Variants in MPI observed in about 807,000 individuals in gnomAD.
The protein encoded by MPI is mannose phosphate isomerase.
A neutral mutation model predicts 40.1 loss-of-function variants in MPI; 33 were observed. The observed-to-expected ratio is 0.82, with a 90% CI of 0.62 to 1.10. The LOEUF (loss-of-function observed/expected upper bound fraction) is 1.10. MPI is among the 50% of genes least tolerant of loss of function. MPI has a pLI of 0.00. For missense variants in MPI, 514 were observed against 524.1 expected (o/e 0.98, Z 0.19); for synonymous variants, 187 against 207.4 (o/e 0.90, Z 0.85).
Position 74,890,107 on chromosome 15 carries a change from G to C in MPI, c.16+18G>C, listed in dbSNP as rs757532607. On this transcript the variant is annotated intron_variant, in intron 1 of 7. Coordinates refer to ENST00000352410, the MANE Select transcript of MPI (RefSeq NM_002435.3). ...TCCGCGAGGTGAGCCATTGGCTGGG[G>C]TGTCGGCGAGTGTGTTCGTGGAGCG... 1.0e-5 allele frequency: 16 copies of C among 1,607,642 alleles called. No homozygotes were observed. The highest frequency in any genetic ancestry group is 1.4e-5 in the Non-Finnish European group (16 of 1,179,948).
Position 74,898,891 on chromosome 15 carries a change from C to A in MPI, c.*1161C>A, listed in dbSNP as rs924078624. ...AGGAGGGGTCCGCAAACCAGGCTGG[C>A]AGGCCAGTTCTGGCCATACCTGTTC... On this transcript the variant is annotated 3_prime_UTR_variant, in exon 8 of 8. Coordinates refer to ENST00000352410, the MANE Select transcript of MPI (RefSeq NM_002435.3). The A allele has an allele frequency of 1.3e-5, 2 of 152,334 alleles. No homozygotes were observed. Among genetic ancestry groups the A allele is most frequent in the African/African-American group, 4.8e-5 (2 of 41,452 alleles). 9.4% of individuals were successfully genotyped at this position (152,334 alleles called of 1,614,324 possible).
Position 74,891,359 on chromosome 15 carries a change from C to T in MPI, c.145-20C>T, listed in dbSNP as rs1426627648. On this transcript the variant is annotated intron_variant, in intron 2 of 7. Transcript: ENST00000352410. Reference sequence around the variant, plus strand: ...GCAGGTTTCTTCCCCCTTCCCCTCCCAAGTTTCCTGTCTTTCCAGTTGTGG... The same window carrying T: ...GCAGGTTTCTTCCCCCTTCCCCTCCTAAGTTTCCTGTCTTTCCAGTTGTGG... The T allele has an allele frequency of 6.2e-7, 1 of 1,613,044 alleles. No individual in the cohort carries two copies. The highest frequency in any genetic ancestry group is 8.5e-7 in the Non-Finnish European group (1 of 1,179,414).
At chr15:74,891,130 GATAC>G (rs1381930770) in intron 2 of MPI, 5 of 610,014 alleles carry the variant, frequency 8.2e-6, no homozygotes, top group Non-Finnish European at 1.5e-5. Context: ...AGACAAAGAA[GATAC>G]ATCTAAAGAA....
At chr15:74,894,669 C>T (rs1262722383) in intron 5 of MPI, among the ~76,000 whole-genome samples, 1 of 149,248 alleles carries the variant, frequency 6.7e-6, no homozygotes, top group East Asian at 2.1e-4. Context: ...TGCCTGTAAT[C>T]CCAGCTACTC....
chr15:74,901,956 G>A lies in MPI; in HGVS notation c.*4226G>A, dbSNP rs182267427. On this transcript the variant is annotated 3_prime_UTR_variant, in exon 8 of 8. Coordinates refer to ENST00000352410, the MANE Select transcript of MPI (RefSeq NM_002435.3). ...CCAGAATCACTAAACTCACCCGGAC[G>A]GTTGGACCAGTTGGGGATGCCCCAG... is the stretch of plus-strand genomic sequence containing the variant. 110 of 396,756 alleles carry A rather than the reference G, an allele frequency of 2.8e-4. 1 individual carries two copies. The highest frequency in any genetic ancestry group is 2.2e-3 in the Admixed American group (49 of 22,674). 24.6% of individuals were successfully genotyped at this position (396,756 alleles called of 1,614,324 possible).
At chr15:74,896,745 C>T in intron 6 of MPI, 1 of 615,416 alleles carries the variant, frequency 1.6e-6, no homozygotes, top group Non-Finnish European at 2.9e-6. Context: ...ATGCCTCATG[C>T]ACAGGATTCT....
At position 74,901,743 on chromosome 15, in the gene MPI, C is replaced by T. The variant is rs2064967557; in HGVS notation, c.*4013C>T. ...TAAAAAGTAAACAATAGGAAGGCACCGGACTGCTCCCTGTAGCTCCCTCTG... is the reference window on the plus strand; with the variant it reads ...TAAAAAGTAAACAATAGGAAGGCACTGGACTGCTCCCTGTAGCTCCCTCTG... On this transcript the variant is annotated 3_prime_UTR_variant, in exon 8 of 8. Transcript: ENST00000352410. 1 of 199,132 alleles carries T rather than the reference C, an allele frequency of 5.0e-6. No homozygotes were observed. Among genetic ancestry groups the T allele is most frequent in the Non-Finnish European group, 1.0e-5 (1 of 99,822 alleles). 12.3% of individuals were successfully genotyped at this position (199,132 alleles called of 1,614,324 possible).
At position 74,898,541 on chromosome 15, in the gene MPI, CTT is replaced by C. The variant is rs1023381946; in HGVS notation, c.*824_*825del. ...CAAGACTCTTCGCTCCTGTTTTTCTCTTTTTTTTTTTTTTGAGACGGAGTCTC... is the reference window on the plus strand; with the variant it reads ...CAAGACTCTTCGCTCCTGTTTTTCTCTTTTTTTTTTTTGAGACGGAGTCTC... On this transcript the variant is annotated 3_prime_UTR_variant, in exon 8 of 8. Transcript: ENST00000352410. 10 of 143,214 alleles carry C rather than the reference CTT, an allele frequency of 7.0e-5. No individual in the cohort carries two copies. Among genetic ancestry groups the C allele is most frequent in the Admixed American group, 2.1e-4 (3 of 14,302 alleles). The allele number at this position is 143,214 out of a possible 1,614,324, so 8.9% of individuals were successfully genotyped here.
In MPI at chr15:74,897,933, G is replaced by A. The variant is rs562995056; in HGVS notation, c.*203G>A. ...AACCATCTTTGGGGAGGAGAGGCCC[G>A]TGTGAGGGGTCTGATACTCCCTTTG... On this transcript the variant is annotated 3_prime_UTR_variant, in exon 8 of 8. Transcript: ENST00000352410. 336 of 646,028 alleles carry A rather than the reference G, an allele frequency of 5.2e-4. 1 individual carries two copies. The highest frequency in any genetic ancestry group is 5.2e-3 in the African/African-American group (290 of 56,122). 40.0% of individuals were successfully genotyped at this position (646,028 alleles called of 1,614,324 possible).
chr15:74,893,177 C>T lies in MPI; in HGVS notation c.527C>T (p.Ala176Val), dbSNP rs1256364766. 3 of 1,614,036 alleles carry T rather than the reference C, an allele frequency of 1.9e-6. No individual in the cohort carries two copies. The African/African-American group carries it at 4.0e-5, about 22-fold the overall frequency. The change falls in exon 5 of 8, where the codon GCA (alanine) becomes GTA (valine). Residue 176 changes from alanine (A) to valine (V), a missense_variant. Transcript: ENST00000352410. ...CAGTTCCTGATTGGAGATGAGGCAGCAACACACCTGAAGCAGACCATGAGC... is the reference window on the plus strand; with the variant it reads ...CAGTTCCTGATTGGAGATGAGGCAGTAACACACCTGAAGCAGACCATGAGC... ...EFQFLIGDEA[A>V]THLKQTMSHD...
intron 2 of MPI, 55 bp from the exon 3 acceptor site, chr15:74,891,324 A>G (rs188595875): frequency 1.9e-6 from 3 of 1,559,958 alleles, no homozygotes; most frequent in Non-Finnish European, 1.8e-6. Context: ...GGACAGGCCA[A>G]CTCAGGGTGG....
In MPI at chr15:74,896,188, A is replaced by C; in HGVS notation, c.707A>C (p.Glu236Ala). Reference sequence around the variant, plus strand: ...AACAACATGGAGGACATCTTTGGGGAGCTTTTGCTACAGCTGCACCAGCAG... The same window carrying C: ...AACAACATGGAGGACATCTTTGGGGCGCTTTTGCTACAGCTGCACCAGCAG... ...AGNNMEDIFG[E>A]LLLQLHQQYP... The change falls in exon 6 of 8, where the codon GAG (glutamate) becomes GCG (alanine). Residue 236 changes from glutamate to alanine, a missense_variant. Physicochemically the swap from Glu to Ala is moderately radical, Grantham distance 107. Coordinates refer to ENST00000352410, the MANE Select transcript of MPI (RefSeq NM_002435.3). The C allele has an allele frequency of 6.2e-7, 1 of 1,613,966 alleles. No homozygotes were observed. The highest frequency in any genetic ancestry group is 8.5e-7 in the Non-Finnish European group (1 of 1,179,998).
intron 3 of MPI, among the ~76,000 whole-genome samples, chr15:74,892,093 A>G (rs2064735447): frequency 6.6e-6 from 1 of 151,664 alleles, no homozygotes; most frequent in African/African-American, 2.4e-5. Flanking sequence ...CTCCCAATTC[A>G]AGCAATTCTT....
At chr15:74,894,039 A>AGGGG (rs2064767886) in intron 5 of MPI, among the ~76,000 whole-genome samples, 1 of 56,982 alleles carries the variant, frequency 1.8e-5, no homozygotes, top group Non-Finnish European at 3.8e-5. Flanking sequence ...TTTTCTGTTC[A>AGGGG]GTGTGTGTGT....
intron 4 of MPI, 138 bp downstream of exon 4, chr15:74,892,940 T>C: frequency 6.9e-7 from 1 of 1,445,910 alleles, no homozygotes; most frequent in Non-Finnish European, 9.6e-7. Context: ...TTGGAGCCAG[T>C]GAGCCAGGCC....
intron 5 of MPI, among the ~76,000 whole-genome samples, chr15:74,895,211 G>A (rs1314871476): frequency 6.9e-6 from 1 of 145,916 alleles, no homozygotes; most frequent in African/African-American, 2.5e-5. Flanking sequence ...TCCTGACCTC[G>A]TGATCCGCCT....
intron 2 of MPI, 87 bp from the exon 3 acceptor site, chr15:74,891,290 TGG>T (rs1418024221): frequency 1.6e-5 from 20 of 1,244,252 alleles, no homozygotes; most frequent in Non-Finnish European, 2.2e-5. Flanking sequence ...AGTTGCCCTG[TGG>T]GGAGCACAGC....
At chr15:74,896,853 TG>T in intron 6 of MPI, 157 bp from the exon 7 acceptor site, 1 of 732,206 alleles carries the variant, frequency 1.4e-6, no homozygotes, top group Non-Finnish European at 2.4e-6. Flanking sequence ...CACCTGTTTT[TG>T]GTATTTGATA....
chr15:74,894,097 T>TTTTCTGAGCCAGG (rs1567267250), intron 5 of MPI, among the ~76,000 whole-genome samples: 1 of 47,906 alleles, frequency 2.1e-5, no homozygotes, highest in African/African-American at 1.0e-4. Context: ...TGTGTGTGTG[T>TTTTCTGAGCCAGG]GTGTGTGTGT....
Sources: allele counts gnomAD v4.1 joint callset (sites outside exome capture counted in the v4.1 genomes callset), GRCh38; gene constraint gnomAD v4.1.1; transcripts MANE v1.5; gene names NCBI Gene and HGNC (gene_info 2026-07-23, HGNC 2026-07-21).